Variants in CCNH observed in about 807,000 individuals in gnomAD.
The protein encoded by CCNH is cyclin H, also known as cyclin-H.
In CCNH, 31 loss-of-function variants were observed where a neutral mutation model predicts 41.9. The observed-to-expected ratio is 0.74, with a 90% CI of 0.56 to 1.00. The LOEUF is 1.00. Among genes scored for constraint, CCNH ranks in the 50% least tolerant of loss-of-function variants. The pLI is 0.00. For missense variants in CCNH, 362 were observed against 388.4 expected, an observed-to-expected ratio of 0.93 and a Z score of 0.57; for synonymous variants, 138 against 136.1, an observed-to-expected ratio of 1.01 and a Z score of -0.10.
At chr5:87,376,106 C>T (rs1761307900), downstream of CCNH, 1 of 450,274 alleles carries the variant, frequency 2.2e-6, no homozygotes, top group African/African-American at 2.0e-5. Flanking sequence ...ACAGCACTTA[C>T]CAGTGCTGAA....
downstream of CCNH, chr5:87,376,225 ACACT>A (rs1244782333): frequency 3.7e-5 from 28 of 750,104 alleles, no homozygotes; most frequent in African/African-American, 3.1e-4. Context: ...TGCACCGTAG[ACACT>A]CAGTAAATAA....
intron 9 of CCNH, among the ~76,000 whole-genome samples, chr5:87,350,772 G>C (rs979300523): frequency 2.7e-5 from 4 of 150,564 alleles, no homozygotes; most frequent in Admixed American, 1.3e-4. Flanking sequence ...CATTCCCCCA[G>C]AACTTTGATT....
intron 1 of CCNH, 46 bp from the exon 2 acceptor site, chr5:87,411,392 T>A: frequency 3.2e-6 from 5 of 1,547,402 alleles, no homozygotes; most frequent in Non-Finnish European, 4.4e-6. Flanking sequence ...TTCAATGAAT[T>A]AAACAATTGT....
At chr5:87,352,316 A>ACC (rs979247116) in intron 9 of CCNH, among the ~76,000 whole-genome samples, 4 of 151,456 alleles carry the variant, frequency 2.6e-5, no homozygotes, top group African/African-American at 9.7e-5. Context: ...ACACACACAC[A>ACC]CATATATATT....
At position 87,333,256 on chromosome 5, in the gene CCNH, A is replaced by G. The variant is rs767105398; in HGVS notation, c.*91-14359T>C. The G allele has an allele frequency of 6.3e-7, 1 of 1,593,322 alleles. No individual in the cohort carries two copies. Among genetic ancestry groups the G allele is most frequent in the South Asian group, 1.1e-5 (1 of 87,836 alleles). On this transcript the variant is annotated intron_variant and NMD_transcript_variant, in intron 9 of 9. Coordinates refer to the CCNH transcript ENST00000645953. Reference sequence around the variant, plus strand: ...TATCTTTTTAAATCTTTTTTTTTTTATGGTTTCTAGCCAGTAGAAGATAGA... The same window carrying G: ...TATCTTTTTAAATCTTTTTTTTTTTGTGGTTTCTAGCCAGTAGAAGATAGA...
chr5:87,380,457 A>G, upstream of CCNH: 1 of 1,462,156 alleles, frequency 6.8e-7, no homozygotes, highest in Non-Finnish European at 9.6e-7. Flanking sequence ...CTGCTAGGAG[A>G]TCAGTGTTTT....
chr5:87,372,307 G>A (rs1040184381), downstream of CCNH: 1 of 912,644 alleles, frequency 1.1e-6, no homozygotes. Flanking sequence ...GTTAAGCCAT[G>A]CTGCCACTTG....
chr5:87,372,238 T>A (rs370633071), downstream of CCNH: 78 of 1,547,776 alleles, frequency 5.0e-5, no homozygotes, highest in African/African-American at 1.0e-3. Context: ...CACATTTTGC[T>A]CTAACACTTT....
At chr5:87,390,708 G>T, downstream of CCNH, 1 of 1,006,070 alleles carries the variant, frequency 9.9e-7, no homozygotes, top group Non-Finnish European at 1.6e-6. Flanking sequence ...GCATCCTTTT[G>T]CTTTGATACA....
chr5:87,340,894 T>C (rs909842937), intron 9 of CCNH, among the ~76,000 whole-genome samples: 3 of 152,086 alleles, frequency 2.0e-5, no homozygotes, highest in African/African-American at 7.2e-5. Flanking sequence ...ACAGGAAATG[T>C]AGACTTGAGT....
chr5:87,320,932 A>G (rs879842630), intron 9 of CCNH, among the ~76,000 whole-genome samples: 14 of 152,352 alleles, frequency 9.2e-5, no homozygotes, highest in Non-Finnish European at 1.9e-4. Flanking sequence ...GGAGCCTTTC[A>G]TGGTGGCTTT....
intron 9 of CCNH, chr5:87,337,920 A>G (rs916852928): frequency 1.3e-6 from 2 of 1,509,688 alleles, no homozygotes; most frequent in African/African-American, 2.8e-5. Context: ...TGACTATTCT[A>G]ATCTCTGTAT....
intron 9 of CCNH, chr5:87,333,320 A>G: frequency 6.2e-7 from 1 of 1,613,348 alleles, no homozygotes; most frequent in Non-Finnish European, 8.5e-7. Flanking sequence ...CAAAAGTACC[A>G]GACACTGATG....
downstream of CCNH, among the ~76,000 whole-genome samples, chr5:87,388,270 C>G (rs1194255824): frequency 6.6e-6 from 1 of 152,114 alleles, no homozygotes; most frequent in Non-Finnish European, 1.5e-5. Flanking sequence ...CCATAGATAA[C>G]ATTGTTTTGC....
chr5:87,334,585 G>A lies in CCNH; in HGVS notation c.*91-15688C>T, dbSNP rs1006101755. On this transcript the variant is annotated intron_variant and NMD_transcript_variant, in intron 9 of 9. Coordinates refer to the CCNH transcript ENST00000645953. ...TAAGACATAACTTGCCTTTTTCACT[G>A]TAAATTTTACAATGATGGTACAAAA... Among the ~76,000 whole-genome samples the A allele has an allele frequency of 3.3e-5, 5 of 152,144 alleles. 1 individual carries two copies. In the South Asian group the frequency reaches 1.0e-3, roughly 32 times the overall value.
At chr5:87,361,147 T>A (rs4421140) in intron 9 of CCNH, among the ~76,000 whole-genome samples, 2 of 151,980 alleles carry the variant, frequency 1.3e-5, no homozygotes, top group Admixed American at 1.3e-4. Flanking sequence ...GTGTGTCCAC[T>A]AAAGTCTGTC....
intron 9 of CCNH, among the ~76,000 whole-genome samples, chr5:87,357,285 G>A (rs1381678078): frequency 2.0e-5 from 3 of 152,020 alleles, no homozygotes; most frequent in African/African-American, 2.4e-5. Flanking sequence ...ACATGGGTGA[G>A]TGCTTTTTAG....
chr5:87,406,547 G>A (rs1233205357), intron 4 of CCNH, among the ~76,000 whole-genome samples: 1 of 151,916 alleles, frequency 6.6e-6, no homozygotes, highest in African/African-American at 2.4e-5. Flanking sequence ...TCTGAGCACT[G>A]ACATGACACT....
At chr5:87,334,987 G>A (rs1171372058) in intron 9 of CCNH, among the ~76,000 whole-genome samples, 1 of 152,124 alleles carries the variant, frequency 6.6e-6, no homozygotes, top group African/African-American at 2.4e-5. Flanking sequence ...GGGTTCAAGG[G>A]ATTCTTTGCC....
Sources: gnomAD v4.1 joint callset for allele counts (sites outside exome capture counted in the v4.1 genomes callset) on GRCh38, gnomAD v4.1.1 for gene constraint, MANE v1.5 for transcripts, NCBI Gene and HGNC (gene_info 2026-07-23, HGNC 2026-07-21) for gene names.